The following TMEM260 variants were observed in gnomAD, a reference collection of about 807,000 sequenced individuals.
TMEM260 encodes the protein transmembrane protein 260.
Under a neutral mutation model 88.9 loss-of-function variants are expected in TMEM260, and 82 were observed. That is an observed-to-expected ratio of 0.92 (90% CI 0.77 to 1.11). The LOEUF (loss-of-function observed/expected upper bound fraction) is 1.11. Among genes scored for constraint, TMEM260 ranks in the 50% least tolerant of loss-of-function variants. The pLI, the probability that TMEM260 is intolerant of heterozygous loss-of-function variation, is 0.00. For missense variants in TMEM260, 902 were observed against 853.4 expected (o/e 1.06, Z -0.71); for synonymous variants, 314 against 309.3 (o/e 1.02, Z -0.16).
chr14:56,628,206 TA>T lies in TMEM260; in HGVS notation c.1547+2677del, dbSNP rs1225712080. Among the ~76,000 whole-genome samples the T allele has an allele frequency of 3.9e-5, 6 of 152,360 alleles. No individual in the cohort carries two copies. The South Asian group carries it at 1.2e-3, about 32-fold the overall frequency. On this transcript the variant is annotated intron_variant, in intron 12 of 15. Transcript: ENST00000261556. Reference sequence around the variant, plus strand: ...TTGGGGCATTTATAAATAGAGCTGCTATAAACATTCATAAACAGGTTTGTGT... The same window carrying T: ...TTGGGGCATTTATAAATAGAGCTGCTTAAACATTCATAAACAGGTTTGTGT...
intron 1 of TMEM260, among the ~76,000 whole-genome samples, chr14:56,582,617 T>G (rs1484092121): frequency 1.3e-5 from 2 of 152,126 alleles, no homozygotes; most frequent in African/African-American, 4.8e-5. Flanking sequence ...GAGCCCCCAG[T>G]GCAAGTGGGT....
chr14:56,644,086 G>A (rs1889791506), intron 15 of TMEM260, among the ~76,000 whole-genome samples: 2 of 152,156 alleles, frequency 1.3e-5, no homozygotes, highest in South Asian at 4.2e-4. Flanking sequence ...ACTGCCCAAG[G>A]TAATTTATAG....
At chr14:56,642,292 A>G (rs533188966) in intron 15 of TMEM260, among the ~76,000 whole-genome samples, 1 of 152,302 alleles carries the variant, frequency 6.6e-6, no homozygotes, top group East Asian at 1.9e-4. Context: ...AAAGAACAGA[A>G]ATTATAACAA....
chr14:56,599,291 G>C (rs1238306625), intron 3 of TMEM260, among the ~76,000 whole-genome samples: 1 of 151,960 alleles, frequency 6.6e-6, no homozygotes, highest in Non-Finnish European at 1.5e-5. Context: ...GCTCCATCCA[G>C]CTTCTCCAGG....
chr14:56,611,320 T>C (rs1427027929), intron 6 of TMEM260, among the ~76,000 whole-genome samples: 1 of 152,220 alleles, frequency 6.6e-6, no homozygotes, highest in Non-Finnish European at 1.5e-5. Flanking sequence ...TAGTTTTCAC[T>C]GACTTCTGTT....
rs2139665696 is a variant in TMEM260, at chr14:56,648,673, TCTC to T, written c.*1179_*1181del. 1 of 152,726 alleles carries T rather than the reference TCTC, an allele frequency of 6.5e-6. No homozygotes were observed. The highest frequency in any genetic ancestry group is 2.4e-5 in the African/African-American group (1 of 41,574). The allele number at this position is 152,726 out of a possible 1,614,324, so 9.5% of individuals were successfully genotyped here. ...ACTAGCAAAAGGGTCTGATCAAAGG[TCTC>T]CTGTGGAGCTTGCATGGTTCCCTTT... is the stretch of plus-strand genomic sequence containing the variant. On this transcript the variant is annotated 3_prime_UTR_variant, in exon 16 of 16. Coordinates refer to ENST00000261556, the MANE Select transcript of TMEM260 (RefSeq NM_017799.4).
chr14:56,628,140 T>C (rs746336698), intron 12 of TMEM260, among the ~76,000 whole-genome samples: 1 of 152,232 alleles, frequency 6.6e-6, no homozygotes. Context: ...GTAGTTTGTT[T>C]ATCCATTTAC....
intron 3 of TMEM260, among the ~76,000 whole-genome samples, chr14:56,595,261 G>A (rs1886132511): frequency 6.6e-6 from 1 of 152,052 alleles, no homozygotes; most frequent in Non-Finnish European, 1.5e-5. Flanking sequence ...TTCTGCACAG[G>A]TAAAAAAGCC....
intron 3 of TMEM260, among the ~76,000 whole-genome samples, chr14:56,601,238 C>A (rs775311671): frequency 6.6e-6 from 1 of 152,050 alleles, no homozygotes; most frequent in East Asian, 1.9e-4. Flanking sequence ...CTTTAAGATG[C>A]CTTTCTGAGT....
Position 56,648,594 on chromosome 14 carries a change from C to G in TMEM260, c.*1097C>G, listed in dbSNP as rs966248571. Reference sequence around the variant, plus strand: ...CTGCATTCAAAGATCACTGGTGAGTCATTCAGCAAGAAAAGGCCCCTTACC... The same window carrying G: ...CTGCATTCAAAGATCACTGGTGAGTGATTCAGCAAGAAAAGGCCCCTTACC... On this transcript the variant is annotated 3_prime_UTR_variant, in exon 16 of 16. Coordinates refer to ENST00000261556, the MANE Select transcript of TMEM260 (RefSeq NM_017799.4). 3 of 152,650 alleles carry G rather than the reference C, an allele frequency of 2.0e-5. No individual in the cohort carries two copies. The highest frequency in any genetic ancestry group is 7.2e-5 in the African/African-American group (3 of 41,446). The allele number at this position is 152,650 out of a possible 1,614,324, so 9.5% of individuals were successfully genotyped here.
At position 56,647,342 on chromosome 14, in the gene TMEM260, G is replaced by T. The variant is rs890816396; in HGVS notation, c.1969G>T (p.Asp657Tyr). The change falls in exon 16 of 16, where the codon GAT (aspartate) becomes TAT (tyrosine). Residue 657 changes from aspartate (D) to tyrosine (Y), a missense_variant. Asp to Tyr is a radical substitution (Grantham distance 160). Transcript: ENST00000261556. ...CERMLRLQAR[D>Y]ADPEVLLSET... ...GCGGATGCTGCGTCTTCAGGCAAGA[G>T]ATGCAGATCCTGAAGTGCTGTTATC... is the stretch of plus-strand genomic sequence containing the variant. 3 of 1,614,074 alleles carry T rather than the reference G, an allele frequency of 1.9e-6. No homozygotes were observed. Among genetic ancestry groups the T allele is most frequent in the Non-Finnish European group, 2.5e-6 (3 of 1,180,042 alleles).
At chr14:56,581,717 C>A (rs1414101102) in intron 1 of TMEM260, among the ~76,000 whole-genome samples, 2 of 152,098 alleles carry the variant, frequency 1.3e-5, no homozygotes, top group African/African-American at 4.8e-5. Context: ...TATTATTTTC[C>A]TTTTATAAAT....
Position 56,634,889 on chromosome 14 carries a change from G to A in TMEM260, c.1725-10G>A, listed in dbSNP as rs768753878. ...GACAGAAAGATATTACTGTTTTCTT[G>A]TAACTACAGGTTTGATCCATCTTCT... On this transcript the variant is annotated splice_polypyrimidine_tract_variant and intron_variant, in intron 13 of 15. Transcript: ENST00000261556. 14 of 1,601,760 alleles carry A rather than the reference G, an allele frequency of 8.7e-6. 1 individual carries two copies. The highest frequency in any genetic ancestry group is 5.6e-5 in the South Asian group (5 of 89,706).
At chr14:56,610,272 G>A (rs900553186) in intron 6 of TMEM260, among the ~76,000 whole-genome samples, 2 of 151,286 alleles carry the variant, frequency 1.3e-5, no homozygotes, top group African/African-American at 2.4e-5. Context: ...ATGGATTCTC[G>A]CTCTGTCACC....
At chr14:56,632,433 C>T (rs139997707) in intron 12 of TMEM260, among the ~76,000 whole-genome samples, 1 of 152,260 alleles carries the variant, frequency 6.6e-6, no homozygotes, top group African/African-American at 2.4e-5. Context: ...ATGCTGCTGC[C>T]TCCGCTAATG....
intron 15 of TMEM260, among the ~76,000 whole-genome samples, chr14:56,640,873 G>C (rs970942544): frequency 6.6e-6 from 1 of 152,162 alleles, no homozygotes; most frequent in Non-Finnish European, 1.5e-5. Context: ...TAGCCAATGC[G>C]ATCAACTGGA....
intron 7 of TMEM260, chr14:56,613,593 GTTTTTCACTTTACATTATATCTTGGAAA>G (rs1308833944): frequency 2.6e-5 from 4 of 152,098 alleles, no homozygotes; most frequent in East Asian, 1.9e-4. Context: ...TTAGCCTGCT[GTTTTTCACTTTACATTATATCTTGGAAA>G]TACCTCCTTG....
chr14:56,618,002 T>C (rs1237548814), intron 9 of TMEM260, among the ~76,000 whole-genome samples: 1 of 152,112 alleles, frequency 6.6e-6, no homozygotes, highest in Non-Finnish European at 1.5e-5. Context: ...AATAGACAGA[T>C]TTACCCACTA....
intron 3 of TMEM260, among the ~76,000 whole-genome samples, chr14:56,597,416 C>G (rs2139533545): frequency 6.6e-6 from 1 of 152,296 alleles, no homozygotes; most frequent in African/African-American, 2.4e-5. Context: ...AATAGAGAAC[C>G]TCATTTGCAA....
Sources: allele counts gnomAD v4.1 joint callset (sites outside exome capture counted in the v4.1 genomes callset), GRCh38; gene constraint gnomAD v4.1.1; transcripts MANE v1.5; gene names NCBI Gene and HGNC (gene_info 2026-07-23, HGNC 2026-07-21).